The following RAB11A variants were observed in gnomAD, a reference collection of about 807,000 sequenced individuals.
The protein encoded by RAB11A is RAB11A, member RAS oncogene family, also known as ras-related protein Rab-11A.
Under a neutral mutation model 28.0 loss-of-function variants are expected in RAB11A, and 9 were observed. The observed-to-expected ratio is 0.32, with a 90% CI of 0.19 to 0.56. The LOEUF is 0.56. Ranked by LOEUF, RAB11A falls within the 20% of genes least tolerant of loss-of-function variation. RAB11A has a pLI of 0.91. For synonymous variants in RAB11A, 85 were observed against 88.2 expected (o/e 0.96, Z 0.20); for missense variants, 108 against 269.6 (o/e 0.40, Z 4.20).
At chr15:65,870,658 TG>T (rs1266695318) in intron 1 of RAB11A, among the ~76,000 whole-genome samples, 1 of 152,218 alleles carries the variant, frequency 6.6e-6, no homozygotes, top group African/African-American at 2.4e-5. Context: ...GCTGCAACGC[TG>T]GGAGGATCCA....
At position 65,877,717 on chromosome 15, in the gene RAB11A, T is replaced by G; in HGVS notation, c.237-45T>G. The G allele has an allele frequency of 6.8e-7, 1 of 1,474,448 alleles. No individual in the cohort carries two copies. Among genetic ancestry groups the G allele is most frequent in the Non-Finnish European group, 9.2e-7 (1 of 1,084,924 alleles). The allele number at this position is 1,474,448 out of a possible 1,614,324, so 91.3% of individuals were successfully genotyped here. ...ATTTTGAGTTCTTCCTGGTGTTTGC[T>G]TCCATCTTGTGGTTTTCTGATACTA... On this transcript the variant is annotated intron_variant, in intron 2 of 4. Coordinates refer to ENST00000261890, the MANE Select transcript of RAB11A (RefSeq NM_004663.5). The surrounding 1 kb of genome is among the most constrained non-coding windows in gnomAD (Gnocchi z 4.1).
intron 4 of RAB11A, 82 bp downstream of exon 4, chr15:65,879,833 C>A: frequency 9.3e-7 from 1 of 1,078,442 alleles, no homozygotes; most frequent in South Asian, 1.4e-5. Context: ...AGTAACTAAA[C>A]TATATATCAG....
intron 1 of RAB11A, among the ~76,000 whole-genome samples, chr15:65,871,030 C>T (rs894178202): frequency 1.3e-5 from 2 of 152,088 alleles, no homozygotes; most frequent in African/African-American, 4.8e-5. Flanking sequence ...AGATCATTAC[C>T]ACTGAGGAAG....
At position 65,877,970 on chromosome 15, in the gene RAB11A, T is replaced by C. The variant is rs1290160015; in HGVS notation, c.430+15T>C. The stretch of plus-strand genomic sequence containing the variant: ...AGCTTTTGCAGGTTAGTGATAGGAA[T>C]TCCATGATATTTCTTACCATTGTGT... On this transcript the variant is annotated intron_variant, in intron 3 of 4. Coordinates refer to ENST00000261890, the MANE Select transcript of RAB11A (RefSeq NM_004663.5). The surrounding 1 kb of genome is among the most constrained non-coding windows in gnomAD (Gnocchi z 4.1). The C allele has an allele frequency of 6.3e-7, 1 of 1,596,524 alleles. No individual in the cohort carries two copies. The highest frequency in any genetic ancestry group is 1.1e-5 in the South Asian group (1 of 90,718).
intron 1 of RAB11A, among the ~76,000 whole-genome samples, chr15:65,876,567 G>A (rs187242944): frequency 2.6e-4 from 40 of 152,280 alleles, no homozygotes; most frequent in Admixed American, 5.9e-4. Flanking sequence ...AAAATGCTGG[G>A]ATTACAGGTG....
chr15:65,871,109 C>T (rs1340490657), intron 1 of RAB11A, among the ~76,000 whole-genome samples: 1 of 152,154 alleles, frequency 6.6e-6, no homozygotes, highest in South Asian at 2.1e-4. Flanking sequence ...GTGACTGTTT[C>T]TGTCTTTGCC....
At chr15:65,880,795 T>A (rs965725999) in intron 4 of RAB11A, among the ~76,000 whole-genome samples, 1 of 152,194 alleles carries the variant, frequency 6.6e-6, no homozygotes, top group Non-Finnish European at 1.5e-5. Context: ...CCTTAATTTC[T>A]CCATCTATAA....
rs1443344976 is a variant in RAB11A, at chr15:65,888,981, T to C, written c.*1141T>C. On this transcript the variant is annotated 3_prime_UTR_variant, in exon 5 of 5. Transcript: ENST00000261890. ...GTTTAAATAGAATGCATTTAGGCATTGTAGAGATCTGAAATAGTTTTCTTC... is the reference window on the plus strand; with the variant it reads ...GTTTAAATAGAATGCATTTAGGCATCGTAGAGATCTGAAATAGTTTTCTTC... 6.5e-6 allele frequency: 1 copy of C among 152,672 alleles called. No individual in the cohort carries two copies. Among genetic ancestry groups the C allele is most frequent in the Non-Finnish European group, 1.5e-5 (1 of 68,040 alleles). 9.5% of individuals were successfully genotyped at this position (152,672 alleles called of 1,614,324 possible). A position where few individuals can be genotyped will look rare whatever the true frequency, so the allele number is the denominator to read the frequency against.
At chr15:65,886,229 G>A (rs2141109228) in intron 4 of RAB11A, among the ~76,000 whole-genome samples, 1 of 152,302 alleles carries the variant, frequency 6.6e-6, no homozygotes. Context: ...TTGTATCTGG[G>A]ATGTTGAATA....
Position 65,888,548 on chromosome 15 carries a change from G to A in RAB11A, c.*708G>A, listed in dbSNP as rs1472596674. ...GCTGCCTGGTAGGCTGGGAACTGAA[G>A]AGACTTGTGGTATTCCATCTCGGGT... is the stretch of plus-strand genomic sequence containing the variant. On this transcript the variant is annotated 3_prime_UTR_variant, in exon 5 of 5. Coordinates refer to ENST00000261890, the MANE Select transcript of RAB11A (RefSeq NM_004663.5). The A allele has an allele frequency of 1.3e-5, 2 of 152,216 alleles. No homozygotes were observed. The highest frequency in any genetic ancestry group is 4.8e-5 in the African/African-American group (2 of 41,422). 9.4% of individuals were successfully genotyped at this position (152,216 alleles called of 1,614,324 possible).
chr15:65,875,057 G>A (rs1227112556), intron 1 of RAB11A, among the ~76,000 whole-genome samples: 1 of 151,928 alleles, frequency 6.6e-6, no homozygotes, highest in African/African-American at 2.4e-5. Context: ...AAAAAAGAAA[G>A]AAAGAAAGAA....
At chr15:65,879,799 G>C in intron 4 of RAB11A, 48 bp downstream of exon 4, 2 of 1,399,788 alleles carry the variant, frequency 1.4e-6, no homozygotes, top group African/African-American at 2.9e-5. Flanking sequence ...GAAGTTTTAG[G>C]AAGGTAATTT....
intron 1 of RAB11A, among the ~76,000 whole-genome samples, chr15:65,875,054 A>G (rs1364630015): frequency 6.6e-6 from 1 of 151,944 alleles, no homozygotes; most frequent in African/African-American, 2.4e-5. Flanking sequence ...TCAAAAAAAG[A>G]AAGAAAGAAA....
intron 4 of RAB11A, among the ~76,000 whole-genome samples, chr15:65,886,041 A>G (rs964801430): frequency 2.0e-5 from 3 of 152,228 alleles, no homozygotes; most frequent in Admixed American, 2.0e-4. Context: ...AAGAAAAAAC[A>G]ATTGTCCCTT....
At chr15:65,878,542 G>A (rs951217410) in intron 3 of RAB11A, among the ~76,000 whole-genome samples, 1 of 152,148 alleles carries the variant, frequency 6.6e-6, no homozygotes, top group Non-Finnish European at 1.5e-5. Flanking sequence ...AACCGGGCGC[G>A]GTGGCGGGCG....
intron 4 of RAB11A, among the ~76,000 whole-genome samples, chr15:65,887,487 C>G (rs1168578190): frequency 6.6e-6 from 1 of 152,138 alleles, no homozygotes; most frequent in Non-Finnish European, 1.5e-5. Flanking sequence ...CATGGAAAAA[C>G]CTTTGTTTCT....
intron 4 of RAB11A, among the ~76,000 whole-genome samples, chr15:65,881,754 G>C (rs1304534833): frequency 6.6e-6 from 1 of 152,012 alleles, no homozygotes; most frequent in East Asian, 1.9e-4. Context: ...GGGAGGCTGA[G>C]GCAGGCGGAT....
At chr15:65,874,288 G>A (rs2078179453) in intron 1 of RAB11A, among the ~76,000 whole-genome samples, 1 of 150,902 alleles carries the variant, frequency 6.6e-6, no homozygotes, top group African/African-American at 2.4e-5. Flanking sequence ...GTGCAATGGC[G>A]CGATTTCAGC....
chr15:65,885,890 A>G (rs1015168519), intron 4 of RAB11A, among the ~76,000 whole-genome samples: 1 of 152,242 alleles, frequency 6.6e-6, no homozygotes, highest in Non-Finnish European at 1.5e-5. Context: ...AAAACAGGTT[A>G]TGGGAAGGAG....
Sources: gnomAD v4.1 joint callset for allele counts (sites outside exome capture counted in the v4.1 genomes callset) on GRCh38, gnomAD v4.1.1 for gene constraint, Gnocchi (gnomAD v3.1) non-coding constraint, MANE v1.5 for transcripts, NCBI Gene and HGNC (gene_info 2026-07-23, HGNC 2026-07-21) for gene names.